KIAA1217: variants seen among roughly 807,000 people sequenced by gnomAD.
KIAA1217 encodes the protein sickle tail protein homolog.
Under a neutral mutation model 163.9 loss-of-function variants are expected in KIAA1217, and 88 were observed. The observed-to-expected ratio is 0.54, with a 90% CI of 0.45 to 0.64. The LOEUF is 0.64. Among genes scored for constraint, KIAA1217 ranks in the 30% least tolerant of loss-of-function variants. The pLI, the probability that KIAA1217 is intolerant of heterozygous loss-of-function variation, is 0.00. For synonymous variants in KIAA1217, 903 were observed against 923.1 expected, an observed-to-expected ratio of 0.98 and a Z score of 0.39; for missense variants, 2,372 against 2,475.0, an observed-to-expected ratio of 0.96 and a Z score of 0.88.
At chr10:23,931,901 A>G (rs1843267244) in intron 1 of KIAA1217, among the ~76,000 whole-genome samples, 1 of 152,158 alleles carries the variant, frequency 6.6e-6, no homozygotes, top group Non-Finnish European at 1.5e-5. Flanking sequence ...CCAGGGCTGG[A>G]GGATACAAGA....
intron 5 of KIAA1217, among the ~76,000 whole-genome samples, chr10:24,447,558 T>C (rs2061044427): frequency 6.6e-6 from 1 of 152,208 alleles, no homozygotes; most frequent in African/African-American, 2.4e-5. Context: ...CTCCATTTCA[T>C]TCATCTTCAC....
intron 2 of KIAA1217, among the ~76,000 whole-genome samples, chr10:24,337,650 CTTT>C (rs747582449): frequency 9.8e-5 from 4 of 40,884 alleles, no homozygotes; most frequent in East Asian, 4.9e-4. Context: ...CTTTTCTTTT[CTTT>C]TTTTTTTTTG....
chr10:24,035,469 A>G (rs1197484727), intron 2 of KIAA1217, among the ~76,000 whole-genome samples: 4 of 152,196 alleles, frequency 2.6e-5, no homozygotes, highest in Admixed American at 2.0e-4. Context: ...ATTGGAAAGC[A>G]GATAGAACTT....
chr10:23,947,023 C>T (rs1363724548), intron 1 of KIAA1217, among the ~76,000 whole-genome samples: 2 of 152,060 alleles, frequency 1.3e-5, no homozygotes, highest in African/African-American at 4.8e-5. Flanking sequence ...CGCTTTTCCC[C>T]ATTTTGCTTG....
intron 2 of KIAA1217, among the ~76,000 whole-genome samples, chr10:24,090,085 A>G (rs978174168): frequency 2.6e-5 from 4 of 151,658 alleles, no homozygotes; most frequent in African/African-American, 7.3e-5. Context: ...TCTGCCGTCT[A>G]AAGTGGGGAG....
chr10:24,049,987 A>G (rs1278854775), intron 2 of KIAA1217, among the ~76,000 whole-genome samples: 2 of 152,204 alleles, frequency 1.3e-5, no homozygotes, highest in Non-Finnish European at 2.9e-5. Flanking sequence ...CTGACTTTTT[A>G]ATAATCACCA....
chr10:23,695,454 C>T lies in KIAA1217; in HGVS notation c.-321+220C>T, dbSNP rs1468190587. Among the ~76,000 whole-genome samples the T allele has an allele frequency of 1.3e-5, 2 of 152,136 alleles. No individual in the cohort carries two copies. Among genetic ancestry groups the T allele is most frequent in the African/African-American group, 4.8e-5 (2 of 41,442 alleles). ...GATGGGGTGCCAAAAGGAGAAGACC[C>T]CCAACTGGGAGGAGGGACTGGAGAG... On this transcript the variant is annotated intron_variant, in intron 1 of 18. Coordinates refer to the KIAA1217 transcript ENST00000376462. This position sits in a 1 kb window ranked among gnomAD's most constrained non-coding sequence, Gnocchi z 4.9.
intron 3 of KIAA1217, among the ~76,000 whole-genome samples, chr10:24,397,145 T>C (rs937503232): frequency 1.4e-4 from 18 of 132,544 alleles, no homozygotes; most frequent in African/African-American, 5.2e-4. Context: ...GGAGTCTCAC[T>C]CTGTCACCCA....
At chr10:24,450,923 A>C (rs1193148252) in intron 5 of KIAA1217, among the ~76,000 whole-genome samples, 2 of 152,336 alleles carry the variant, frequency 1.3e-5, no homozygotes, top group East Asian at 3.9e-4. Context: ...TCTTGAAAAT[A>C]ATAATAATAT....
At chr10:24,270,441 C>T (rs995156888) in intron 2 of KIAA1217, among the ~76,000 whole-genome samples, 3 of 152,252 alleles carry the variant, frequency 2.0e-5, no homozygotes, top group African/African-American at 7.2e-5. Context: ...TCCACTGTCA[C>T]TAAATCACAT....
intron 1 of KIAA1217, among the ~76,000 whole-genome samples, chr10:23,923,951 T>C (rs1228817129): frequency 6.6e-6 from 1 of 152,242 alleles, no homozygotes; most frequent in Non-Finnish European, 1.5e-5. Context: ...CGTTTACCTT[T>C]ATTTTTTGCA....
At chr10:24,350,837 A>AT (rs2048366112) in intron 2 of KIAA1217, among the ~76,000 whole-genome samples, 1 of 151,808 alleles carries the variant, frequency 6.6e-6, no homozygotes, top group African/African-American at 2.4e-5. Flanking sequence ...GAGAAAAAAA[A>AT]AAAACAGCTA....
chr10:23,730,420 T>C (rs542881125), intron 1 of KIAA1217, among the ~76,000 whole-genome samples: 1 of 152,210 alleles, frequency 6.6e-6, no homozygotes, highest in Non-Finnish European at 1.5e-5. Context: ...TACTGTAACA[T>C]TCCAGTAAGC....
intron 2 of KIAA1217, among the ~76,000 whole-genome samples, chr10:24,073,188 C>T (rs1396639499): frequency 2.0e-5 from 3 of 152,016 alleles, no homozygotes; most frequent in Non-Finnish European, 4.4e-5. Flanking sequence ...CGGGAGCGAG[C>T]GCTGGGGCAG....
chr10:23,857,712 C>T (rs1588961981), intron 1 of KIAA1217, among the ~76,000 whole-genome samples: 1 of 152,116 alleles, frequency 6.6e-6, no homozygotes, highest in African/African-American at 2.4e-5. Context: ...AGTGGAGTGA[C>T]ATCTCTCAAC....
chr10:23,957,789 C>A (rs945275878), intron 1 of KIAA1217, among the ~76,000 whole-genome samples: 1 of 152,126 alleles, frequency 6.6e-6, no homozygotes, highest in African/African-American at 2.4e-5. Flanking sequence ...TCCAGGCATA[C>A]ACCTTTGAAC....
intron 2 of KIAA1217, among the ~76,000 whole-genome samples, chr10:24,190,217 G>C (rs866465346): frequency 1.8e-4 from 28 of 151,956 alleles, no homozygotes; most frequent in African/African-American, 6.8e-4. Flanking sequence ...AGGGGAGGTT[G>C]GTCAGAGAAT....
At chr10:23,797,449 G>A (rs771875802) in intron 1 of KIAA1217, among the ~76,000 whole-genome samples, 6 of 152,124 alleles carry the variant, frequency 3.9e-5, no homozygotes, top group Non-Finnish European at 7.4e-5. Context: ...TCCAAAACTC[G>A]TGTTTCTGTA....
At chr10:23,891,966 T>C (rs1841437235) in intron 1 of KIAA1217, among the ~76,000 whole-genome samples, 1 of 151,982 alleles carries the variant, frequency 6.6e-6, no homozygotes, top group Admixed American at 6.6e-5. Flanking sequence ...AGGTTATTAG[T>C]ATAAAGTGTT....
Sources: gnomAD v4.1 joint callset for allele counts (sites outside exome capture counted in the v4.1 genomes callset) on GRCh38, gnomAD v4.1.1 for gene constraint, Gnocchi (gnomAD v3.1) non-coding constraint, MANE v1.5 for transcripts, NCBI Gene and HGNC (gene_info 2026-07-23, HGNC 2026-07-21) for gene names.